Variants in MACROH2A1 observed in about 807,000 individuals in gnomAD.
The protein encoded by MACROH2A1 is macroH2A.1 histone, also known as core histone macro-H2A.1.
In MACROH2A1, 2 loss-of-function variants were observed where a neutral mutation model predicts 31.6. The observed-to-expected ratio is 0.06, with a 90% confidence interval of 0.03 to 0.20. MACROH2A1 has a LOEUF of 0.20. Ranked by LOEUF, MACROH2A1 falls within the 10% of genes least tolerant of loss-of-function variation. The probability of loss-of-function intolerance (pLI) is 1.00; values close to 1 mark genes in which losing one functional copy is unlikely to be tolerated. For synonymous variants in MACROH2A1, 169 were observed against 189.6 expected (o/e 0.89, Z 0.89); for missense variants, 230 against 474.0 (o/e 0.49, Z 4.78).
chr5:135,335,424 C>T lies in MACROH2A1; in HGVS notation c.954-283G>A, dbSNP rs113088921. Among the ~76,000 whole-genome samples the T allele has an allele frequency of 7.7e-3, 1,166 of 151,716 alleles. 23 individuals are homozygous for T. The highest frequency in any genetic ancestry group is 0.027 in the African/African-American group (1,108 of 41,074). On this transcript the variant is annotated intron_variant, in intron 8 of 8. Transcript: ENST00000511689. ...AAACAGAATAGTGTTTTGTGGTGTGCATTAAGCCCCCGAAGTACAGTGTAA... is the reference window on the plus strand; with the variant it reads ...AAACAGAATAGTGTTTTGTGGTGTGTATTAAGCCCCCGAAGTACAGTGTAA...
intron 7 of MACROH2A1, 65 bp downstream of exon 7, chr5:135,345,903 C>A (rs1276152535): frequency 9.1e-7 from 1 of 1,094,996 alleles, no homozygotes; most frequent in Non-Finnish European, 1.4e-6. Flanking sequence ...AGCCCTCTCA[C>A]AAAATGGCTT....
At position 135,369,578 on chromosome 5, in the gene MACROH2A1, C is replaced by T; in HGVS notation, c.305G>A (p.Ser102Asn). The change falls in exon 4 of 9, where the codon AGT (serine) becomes AAT (asparagine). Residue 102 changes from serine (S) to asparagine (N), a missense_variant. Ser to Asn is a conservative substitution (Grantham distance 46). This residue lies in a region of MACROH2A1 where 47 missense variants were observed against 154.7 expected (regional missense o/e 0.30). Coordinates refer to ENST00000511689, the MANE Select transcript of MACROH2A1 (RefSeq NM_138610.3). This position sits in a 1 kb window ranked among gnomAD's most constrained non-coding sequence, Gnocchi z 4.3. ...GTGGATGTTGGGTAACACACCCCCA[C>T]TGGCTATGGTGACTCCTTTTAGCAG... ...NQLLKGVTIA[S>N]GGVLPNIHPE... The T allele has an allele frequency of 6.2e-7, 1 of 1,613,936 alleles. No homozygotes were observed. Among genetic ancestry groups the T allele is most frequent in the Non-Finnish European group, 8.5e-7 (1 of 1,179,872 alleles).
chr5:135,366,919 T>C (rs995644254), intron 4 of MACROH2A1, among the ~76,000 whole-genome samples: 1 of 152,206 alleles, frequency 6.6e-6, no homozygotes, highest in Non-Finnish European at 1.5e-5. Context: ...AGCCCTAGTG[T>C]ACAGTCAGGC....
At chr5:135,363,071 T>G (rs749443232) in intron 4 of MACROH2A1, among the ~76,000 whole-genome samples, 2 of 152,104 alleles carry the variant, frequency 1.3e-5, no homozygotes, top group African/African-American at 4.8e-5. Flanking sequence ...GATTCCTTAT[T>G]TGGAAAATAA....
intron 2 of MACROH2A1, among the ~76,000 whole-genome samples, chr5:135,385,245 A>C (rs1024076503): frequency 1.3e-5 from 2 of 152,238 alleles, no homozygotes; most frequent in Admixed American, 1.3e-4. Context: ...TAGGAACTTC[A>C]GTGACACCTA....
chr5:135,396,197 C>G (rs940577322), intron 1 of MACROH2A1, among the ~76,000 whole-genome samples: 1 of 152,166 alleles, frequency 6.6e-6, no homozygotes, highest in Non-Finnish European at 1.5e-5. Context: ...AAGGTTGTGC[C>G]AAACTCTTAA....
intron 5 of MACROH2A1, chr5:135,359,165 C>A: frequency 1.0e-6 from 1 of 985,390 alleles, no homozygotes; most frequent in Non-Finnish European, 1.2e-6. Context: ...GTAACAAGAA[C>A]ATAGGCAGGG....
intron 8 of MACROH2A1, among the ~76,000 whole-genome samples, chr5:135,342,383 A>C (rs528253612): frequency 6.6e-6 from 1 of 152,344 alleles, no homozygotes; most frequent in African/African-American, 2.4e-5. Context: ...TGGCCAAGCC[A>C]GGATGCAACT....
At chr5:135,360,941 T>C (rs1762770500) in intron 4 of MACROH2A1, 2 of 419,916 alleles carry the variant, frequency 4.8e-6, no homozygotes, top group East Asian at 5.8e-5. Flanking sequence ...TTTAAGTGTC[T>C]TTCCTTTCTA....
At chr5:135,396,093 A>G (rs1347831385) in intron 1 of MACROH2A1, among the ~76,000 whole-genome samples, 2 of 152,220 alleles carry the variant, frequency 1.3e-5, no homozygotes, top group East Asian at 3.8e-4. Flanking sequence ...CCCGAGATGC[A>G]CTGAAGGAAC....
chr5:135,390,381 T>C (rs1434492839), intron 1 of MACROH2A1, among the ~76,000 whole-genome samples: 1 of 152,262 alleles, frequency 6.6e-6, no homozygotes, highest in Non-Finnish European at 1.5e-5. Flanking sequence ...GAATGTTTAC[T>C]TGGAGCATCC....
Position 135,399,157 on chromosome 5 carries a change from C to A in MACROH2A1, c.-129G>T. On this transcript the variant is annotated 5_prime_UTR_variant, in exon 1 of 9. Coordinates refer to ENST00000511689, the MANE Select transcript of MACROH2A1 (RefSeq NM_138610.3). This position sits in a 1 kb window ranked among gnomAD's most constrained non-coding sequence, Gnocchi z 4.5. Reference sequence around the variant, plus strand: ...TTTCTCTCCGCGCTCCTCGCTGGCCCGCCCGCCTCTTCGCTTCCCGCCCGC... The same window carrying A: ...TTTCTCTCCGCGCTCCTCGCTGGCCAGCCCGCCTCTTCGCTTCCCGCCCGC... 6.6e-6 allele frequency: 1 copy of A among 151,368 alleles called. No homozygotes were observed. The highest frequency in any genetic ancestry group is 2.0e-4 in the South Asian group (1 of 5,058). The allele number at this position is 151,368 out of a possible 1,614,324, so 9.4% of individuals were successfully genotyped here. A position where few individuals can be genotyped will look rare whatever the true frequency, so the allele number is the denominator to read the frequency against.
At position 135,369,279 on chromosome 5, in the gene MACROH2A1, C is replaced by T. The variant is rs1173277509; in HGVS notation, c.477+127G>A. The T allele has an allele frequency of 2.5e-6, 2 of 797,904 alleles. No individual in the cohort carries two copies. Among genetic ancestry groups the T allele is most frequent in the Non-Finnish European group, 4.3e-6 (2 of 469,416 alleles). 49.4% of individuals were successfully genotyped at this position (797,904 alleles called of 1,614,324 possible). ...CCCTCTGGAGAGTAATCAGCTCCTA[C>T]ATGTTCCTCCTTTATTCTCCCATCA... is the stretch of plus-strand genomic sequence containing the variant. On this transcript the variant is annotated intron_variant, in intron 4 of 8. Coordinates refer to ENST00000511689, the MANE Select transcript of MACROH2A1 (RefSeq NM_138610.3). This position sits in a 1 kb window ranked among gnomAD's most constrained non-coding sequence, Gnocchi z 4.3.
chr5:135,398,503 T>A lies in MACROH2A1; in HGVS notation c.-34+559A>T, dbSNP rs2150011728. On this transcript the variant is annotated intron_variant, in intron 1 of 8. Transcript: ENST00000511689. The surrounding 1 kb of genome is among the most constrained non-coding windows in gnomAD (Gnocchi z 4.6). The stretch of plus-strand genomic sequence containing the variant: ...GTCCCCCGCACCAGCCCGGCTTCAA[T>A]CCCGCGAGTAGCCCCCGCCTTCCCC... Among the ~76,000 whole-genome samples the A allele has an allele frequency of 6.6e-6, 1 of 152,206 alleles. No homozygotes were observed. Among genetic ancestry groups the A allele is most frequent in the East Asian group, 1.9e-4 (1 of 5,144 alleles).
chr5:135,345,932 C>T (rs1051913001), intron 7 of MACROH2A1, 36 bp downstream of exon 7: 2 of 1,413,938 alleles, frequency 1.4e-6, no homozygotes. Context: ...CTGCATGTGT[C>T]ACAACCAGAT....
chr5:135,354,527 C>T lies in MACROH2A1; in HGVS notation c.589-1482G>A, dbSNP rs17168189. The T allele has an allele frequency of 2.6e-3, 404 of 154,994 alleles. 2 individuals carry two copies. The highest frequency in any genetic ancestry group is 9.1e-3 in the African/African-American group (378 of 41,580). 9.6% of individuals were successfully genotyped at this position (154,994 alleles called of 1,614,324 possible). On this transcript the variant is annotated intron_variant, in intron 5 of 8. Coordinates refer to ENST00000511689, the MANE Select transcript of MACROH2A1 (RefSeq NM_138610.3). ...ATGGACTTTCTGGGTTATTGCTCCT[C>T]GCACTATAGAGTGATTTAGAGGCCA... is the stretch of plus-strand genomic sequence containing the variant.
intron 2 of MACROH2A1, among the ~76,000 whole-genome samples, chr5:135,370,644 G>A (rs1231751760): frequency 6.6e-6 from 1 of 152,146 alleles, no homozygotes; most frequent in African/African-American, 2.4e-5. Flanking sequence ...ATGCAAAACT[G>A]GAAGGATGTG....
At chr5:135,359,084 T>C in intron 5 of MACROH2A1, 4 of 985,380 alleles carry the variant, frequency 4.1e-6, no homozygotes, top group Non-Finnish European at 4.8e-6. Context: ...TTTGGAAATA[T>C]TTTAGTTCAT....
At chr5:135,377,259 C>G (rs1452398412) in intron 2 of MACROH2A1, among the ~76,000 whole-genome samples, 2 of 152,194 alleles carry the variant, frequency 1.3e-5, no homozygotes, top group Non-Finnish European at 2.9e-5. Flanking sequence ...TGGCTGGCAG[C>G]TGGGCAGGAC....
Sources: gnomAD v4.1 joint callset for allele counts (sites outside exome capture counted in the v4.1 genomes callset) on GRCh38, gnomAD v4.1.1 for gene constraint, gnomAD v4.1.1 regional missense constraint, Gnocchi (gnomAD v3.1) non-coding constraint, MANE v1.5 for transcripts, NCBI Gene and HGNC (gene_info 2026-07-23, HGNC 2026-07-21) for gene names.